SYT1: variants seen among roughly 807,000 people sequenced by gnomAD.
SYT1 encodes the protein synaptotagmin-1.
Under a neutral mutation model 44.8 loss-of-function variants are expected in SYT1, and 8 were observed. That is an observed-to-expected ratio of 0.18 (90% CI 0.10 to 0.32). The LOEUF is 0.32. Among genes scored for constraint, SYT1 ranks in the 10% least tolerant of loss-of-function variants. The pLI is 1.00. For synonymous variants in SYT1, 154 were observed against 188.8 expected (o/e 0.82, Z 1.51); for missense variants, 286 against 509.3 (o/e 0.56, Z 4.22).
chr12:79,063,452 C>G (rs1436717595), intron 3 of SYT1, among the ~76,000 whole-genome samples: 1 of 152,140 alleles, frequency 6.6e-6, no homozygotes, highest in South Asian at 2.1e-4. Flanking sequence ...ATTTCCTGCT[C>G]TCTCCTCCCA....
rs111353302 is a variant in SYT1, at chr12:79,361,531, A to G, written c.928+7912A>G. On this transcript the variant is annotated intron_variant, in intron 9 of 10. Coordinates refer to ENST00000261205, the MANE Select transcript of SYT1 (RefSeq NM_005639.3). ...TCTATACTCAAGCTAAAATTCTATC[A>G]TGGAACTCACTAACATAAATCAGTT... is the stretch of plus-strand genomic sequence containing the variant. Among the ~76,000 whole-genome samples, 14 of 152,330 alleles carry G rather than the reference A, an allele frequency of 9.2e-5. 1 individual carries two copies. The highest frequency in any genetic ancestry group is 3.4e-4 in the African/African-American group (14 of 41,588).
intron 3 of SYT1, among the ~76,000 whole-genome samples, chr12:79,136,405 C>A (rs1348742419): frequency 1.3e-5 from 2 of 152,176 alleles, no homozygotes; most frequent in Non-Finnish European, 1.5e-5. Flanking sequence ...AATGTACTGA[C>A]CCCAAAGCCA....
intron 9 of SYT1, among the ~76,000 whole-genome samples, chr12:79,396,654 A>G (rs950274180): frequency 2.0e-5 from 3 of 152,178 alleles, no homozygotes; most frequent in East Asian, 1.9e-4. Context: ...GGACATAATC[A>G]TAGGTTAAGT....
chr12:79,085,075 G>C (rs1313740485), intron 3 of SYT1, among the ~76,000 whole-genome samples: 1 of 152,126 alleles, frequency 6.6e-6, no homozygotes. Context: ...AGCAAAGTTT[G>C]TGTATGTTGA....
rs1359250574 is a variant in SYT1 at position 79,449,306 on chromosome 12, T to C, written c.*182T>C. 4.8e-6 allele frequency: 3 copies of C among 624,202 alleles called. No homozygotes were observed. The highest frequency in any genetic ancestry group is 8.3e-6 in the Non-Finnish European group (3 of 362,580). 38.7% of individuals were successfully genotyped at this position (624,202 alleles called of 1,614,324 possible). On this transcript the variant is annotated 3_prime_UTR_variant, in exon 11 of 11. Coordinates refer to ENST00000261205, the MANE Select transcript of SYT1 (RefSeq NM_005639.3). ...ATGTAGAGAGCCCCTAAGTCCTTCA[T>C]CATACCACTGCCCTCCAAATCTACT...
chr12:78,947,162 G>A (rs1878702268), intron 1 of SYT1, among the ~76,000 whole-genome samples: 1 of 152,136 alleles, frequency 6.6e-6, no homozygotes, highest in Non-Finnish European at 1.5e-5. Context: ...ACTTTCCCCT[G>A]CTATCTTGGT....
At chr12:79,353,992 T>A (rs1883014689) in intron 9 of SYT1, among the ~76,000 whole-genome samples, 1 of 152,208 alleles carries the variant, frequency 6.6e-6, no homozygotes. Context: ...AAACAATGTT[T>A]TCCATGAGAC....
chr12:79,307,372 T>G (rs1880446860), intron 8 of SYT1, among the ~76,000 whole-genome samples: 1 of 152,186 alleles, frequency 6.6e-6, no homozygotes, highest in South Asian at 2.1e-4. Flanking sequence ...GTAAATTAAT[T>G]TTATTTATTC....
chr12:79,182,340 T>C (rs1592830827), intron 3 of SYT1, among the ~76,000 whole-genome samples: 1 of 152,072 alleles, frequency 6.6e-6, no homozygotes. Flanking sequence ...GGTGTCATGG[T>C]TTTCTTCCTA....
At chr12:79,397,742 C>T (rs770492446) in intron 9 of SYT1, among the ~76,000 whole-genome samples, 1 of 152,148 alleles carries the variant, frequency 6.6e-6, no homozygotes, top group Non-Finnish European at 1.5e-5. Context: ...GTCAAAAGCT[C>T]TATGCTACAA....
intron 2 of SYT1, among the ~76,000 whole-genome samples, chr12:78,996,887 C>G (rs1870414065): frequency 6.6e-6 from 1 of 152,176 alleles, no homozygotes; most frequent in Non-Finnish European, 1.5e-5. Context: ...GGCCTGGTCA[C>G]TGTATGAAGA....
intron 1 of SYT1, among the ~76,000 whole-genome samples, chr12:78,928,909 A>G (rs1443157044): frequency 6.6e-6 from 1 of 152,174 alleles, no homozygotes; most frequent in East Asian, 1.9e-4. Flanking sequence ...ATATGTCTGA[A>G]TCATATTCCA....
At chr12:78,975,678 T>C (rs1191124025) in intron 1 of SYT1, among the ~76,000 whole-genome samples, 1 of 152,202 alleles carries the variant, frequency 6.6e-6, no homozygotes, top group East Asian at 1.9e-4. Context: ...CAATGACAGA[T>C]GGTTTTTAAT....
At chr12:79,010,258 T>A (rs1427256870) in intron 2 of SYT1, among the ~76,000 whole-genome samples, 2 of 152,078 alleles carry the variant, frequency 1.3e-5, no homozygotes, top group Non-Finnish European at 2.9e-5. Context: ...CAAGTTGAAG[T>A]TCAAGATTAG....
chr12:78,893,598 ATTT>A (rs1285490203), intron 1 of SYT1, among the ~76,000 whole-genome samples: 2 of 151,734 alleles, frequency 1.3e-5, no homozygotes, highest in East Asian at 3.9e-4. Flanking sequence ...CAAGTCTTCT[ATTT>A]GAATAAAATT....
At chr12:79,068,024 T>C (rs1875996893) in intron 3 of SYT1, among the ~76,000 whole-genome samples, 1 of 152,208 alleles carries the variant, frequency 6.6e-6, no homozygotes, top group African/African-American at 2.4e-5. Flanking sequence ...CAGCAATAGA[T>C]ATTATTTCCA....
intron 2 of SYT1, among the ~76,000 whole-genome samples, chr12:79,041,150 A>T (rs1873536556): frequency 6.6e-6 from 1 of 150,916 alleles, no homozygotes; most frequent in Non-Finnish European, 1.5e-5. Flanking sequence ...GTTTTTTCCA[A>T]TTCTGTGAAG....
At chr12:79,283,154 G>C (rs2138818661) in intron 4 of SYT1, among the ~76,000 whole-genome samples, 1 of 152,150 alleles carries the variant, frequency 6.6e-6, no homozygotes, top group East Asian at 1.9e-4. Context: ...TATACAAAAT[G>C]ATAACGTTAA....
chr12:79,087,069 G>A lies in SYT1; in HGVS notation c.-18+39707G>A, dbSNP rs141259393. Among the ~76,000 whole-genome samples the A allele has an allele frequency of 4.1e-4, 62 of 152,212 alleles. No individual in the cohort carries two copies. In the East Asian group the frequency reaches 0.011, roughly 27 times the overall value. The stretch of plus-strand genomic sequence containing the variant: ...GAAAAACTGAAACCGAGTCTGCAGC[G>A]TTACCTTCACAGCTGTGTTAGTACA... On this transcript the variant is annotated intron_variant, in intron 3 of 10. Transcript: ENST00000261205.
Sources: gnomAD v4.1 joint callset for allele counts (sites outside exome capture counted in the v4.1 genomes callset) on GRCh38, gnomAD v4.1.1 for gene constraint, MANE v1.5 for transcripts, NCBI Gene and HGNC (gene_info 2026-07-23, HGNC 2026-07-21) for gene names.